PAK5: variants seen among roughly 807,000 people sequenced by gnomAD.
PAK5 encodes the protein p21 (RAC1) activated kinase 5, also known as serine/threonine-protein kinase PAK 5.
A neutral mutation model predicts 65.9 loss-of-function variants in PAK5; 16 were observed. The observed-to-expected ratio is 0.24, with a 90% CI of 0.16 to 0.37. The LOEUF is 0.37. Ranked by LOEUF, PAK5 falls within the 10% of genes least tolerant of loss-of-function variation. The pLI is 1.00. For missense variants in PAK5, 785 were observed against 903.9 expected (o/e 0.87, Z 1.69); for synonymous variants, 371 against 354.9 (o/e 1.05, Z -0.51).
intron 3 of PAK5, among the ~76,000 whole-genome samples, chr20:9,586,626 A>C (rs1232809188): frequency 6.6e-6 from 1 of 152,154 alleles, no homozygotes. Flanking sequence ...TAAATATCTT[A>C]TATTTAGGAA....
chr20:9,752,541 T>G (rs1404174040), intron 1 of PAK5, among the ~76,000 whole-genome samples: 1 of 151,996 alleles, frequency 6.6e-6, no homozygotes, highest in Non-Finnish European at 1.5e-5. Flanking sequence ...TATGATAAAT[T>G]TTTGAGGTGG....
chr20:9,628,816 G>T (rs964076693), intron 3 of PAK5, among the ~76,000 whole-genome samples: 1 of 152,196 alleles, frequency 6.6e-6, no homozygotes, highest in African/African-American at 2.4e-5. Flanking sequence ...TCCTCTGGCT[G>T]TTGGGGAATG....
chr20:9,799,837 A>G (rs2049147246), intron 1 of PAK5, among the ~76,000 whole-genome samples: 1 of 143,478 alleles, frequency 7.0e-6, no homozygotes, highest in Non-Finnish European at 1.5e-5. Context: ...GCTACTCTGG[A>G]GGCTGAGGTG....
At chr20:9,596,300 G>T (rs935552844) in intron 3 of PAK5, among the ~76,000 whole-genome samples, 1 of 152,116 alleles carries the variant, frequency 6.6e-6, no homozygotes, top group African/African-American at 2.4e-5. Flanking sequence ...TGCACAGACA[G>T]AAAACTATAT....
At chr20:9,802,436 G>C (rs140507519) in intron 1 of PAK5, among the ~76,000 whole-genome samples, 1 of 152,022 alleles carries the variant, frequency 6.6e-6, no homozygotes, top group Admixed American at 6.6e-5. Flanking sequence ...AGTAGTGTGC[G>C]CACACATCTG....
intron 3 of PAK5, among the ~76,000 whole-genome samples, chr20:9,604,041 A>C (rs1201287663): frequency 1.3e-5 from 2 of 152,242 alleles, no homozygotes; most frequent in African/African-American, 4.8e-5. Context: ...CAAATTATTG[A>C]TATCAGGGTA....
At chr20:9,764,034 T>C (rs990817788) in intron 1 of PAK5, among the ~76,000 whole-genome samples, 3 of 152,206 alleles carry the variant, frequency 2.0e-5, no homozygotes, top group Non-Finnish European at 2.9e-5. Context: ...AAATTTAACA[T>C]TGATACAATA....
chr20:9,739,224 CT>C (rs1159783800), intron 1 of PAK5, among the ~76,000 whole-genome samples: 3 of 79,928 alleles, frequency 3.8e-5, no homozygotes, highest in Non-Finnish European at 7.8e-5. Flanking sequence ...TCTTTCTTTG[CT>C]TTCTTTTTTT....
chr20:9,824,016 G>C (rs1423119776), intron 1 of PAK5, among the ~76,000 whole-genome samples: 2 of 152,168 alleles, frequency 1.3e-5, no homozygotes, highest in Non-Finnish European at 2.9e-5. Context: ...AGAATTAAAT[G>C]AGATAGTGTT....
chr20:9,788,289 G>A (rs1030373579), intron 1 of PAK5, among the ~76,000 whole-genome samples: 3 of 151,788 alleles, frequency 2.0e-5, no homozygotes, highest in Admixed American at 1.3e-4. Context: ...ATGAGTGTTT[G>A]GTCACACTAG....
chr20:9,814,698 G>A (rs923309556), intron 1 of PAK5, among the ~76,000 whole-genome samples: 2 of 152,082 alleles, frequency 1.3e-5, no homozygotes, highest in African/African-American at 4.8e-5. Context: ...TAAAGTATCT[G>A]TCCATTCATA....
intron 3 of PAK5, among the ~76,000 whole-genome samples, chr20:9,606,577 G>A (rs1439340557): frequency 3.3e-5 from 5 of 152,132 alleles, no homozygotes; most frequent in African/African-American, 1.2e-4. Flanking sequence ...AATGTTGAGT[G>A]AAAGAAATCA....
At chr20:9,543,319 A>T (rs185389665) in intron 8 of PAK5, among the ~76,000 whole-genome samples, 1 of 152,312 alleles carries the variant, frequency 6.6e-6, no homozygotes. Flanking sequence ...GATGACAAGC[A>T]AGTAGTAAAG....
intron 3 of PAK5, among the ~76,000 whole-genome samples, chr20:9,599,341 A>C (rs186209271): frequency 6.7e-4 from 102 of 152,256 alleles, no homozygotes; most frequent in Non-Finnish European, 2.2e-4. Flanking sequence ...AATCTGTTCA[A>C]GTCCTTGTTT....
intron 5 of PAK5, among the ~76,000 whole-genome samples, chr20:9,564,994 T>A (rs896059314): frequency 1.3e-5 from 2 of 151,896 alleles, no homozygotes; most frequent in African/African-American, 4.8e-5. Flanking sequence ...CAGAACCACA[T>A]ACATCTAAAG....
At chr20:9,783,734 T>A (rs2096451737) in intron 1 of PAK5, among the ~76,000 whole-genome samples, 1 of 152,260 alleles carries the variant, frequency 6.6e-6, no homozygotes, top group South Asian at 2.1e-4. Context: ...CATTTATAAT[T>A]TGCAATACAA....
intron 2 of PAK5, among the ~76,000 whole-genome samples, chr20:9,704,435 T>G (rs1413259878): frequency 2.6e-5 from 4 of 152,158 alleles, no homozygotes; most frequent in Non-Finnish European, 5.9e-5. Context: ...ACACCTGACC[T>G]TCCACTTAAG....
rs959604717 is a variant in PAK5, at chr20:9,762,959, T to G, written c.-161-51524A>C. On this transcript the variant is annotated intron_variant, in intron 1 of 9. Transcript: ENST00000353224. The stretch of plus-strand genomic sequence containing the variant: ...AAAAAAAGAAACAAATCCTGCTATT[T>G]GCAACAACATGGATGAATCTAGAGG... 3.3e-5 allele frequency among the ~76,000 whole-genome samples: 5 copies of G among 152,144 alleles called. No individual in the cohort carries two copies. The East Asian group carries it at 7.7e-4, about 23-fold the overall frequency.
intron 2 of PAK5, among the ~76,000 whole-genome samples, chr20:9,673,513 A>G (rs1646152015): frequency 6.6e-6 from 1 of 152,224 alleles, no homozygotes; most frequent in African/African-American, 2.4e-5. Context: ...TTCAATTTAA[A>G]TAACCACATG....
Sources: gnomAD v4.1 joint callset for allele counts (sites outside exome capture counted in the v4.1 genomes callset) on GRCh38, gnomAD v4.1.1 for gene constraint, MANE v1.5 for transcripts, NCBI Gene and HGNC (gene_info 2026-07-23, HGNC 2026-07-21) for gene names.